Variants in CAMK2D observed in about 807,000 individuals in gnomAD.
CAMK2D encodes the protein calcium/calmodulin dependent protein kinase II delta, also known as calcium/calmodulin-dependent protein kinase type II subunit delta.
In CAMK2D, 37 loss-of-function variants were observed where a neutral mutation model predicts 84.0. The ratio of observed to expected loss-of-function variants is 0.44; its 90% CI spans 0.34 to 0.58. The LOEUF is 0.58. CAMK2D is among the 20% of genes least tolerant of loss of function. The pLI, the probability that CAMK2D is intolerant of heterozygous loss-of-function variation, is 0.02. For synonymous variants in CAMK2D, 202 were observed against 212.5 expected (o/e 0.95, Z 0.43); for missense variants, 448 against 652.5 (o/e 0.69, Z 3.41).
chr4:113,536,342 T>A (rs1306158248), intron 7 of CAMK2D, among the ~76,000 whole-genome samples: 1 of 152,108 alleles, frequency 6.6e-6, no homozygotes, highest in Non-Finnish European at 1.5e-5. Context: ...CACCCTCCAC[T>A]CCCAGTAACA....
At chr4:113,724,751 TATC>T (rs151078880) in intron 2 of CAMK2D, among the ~76,000 whole-genome samples, 2,796 of 152,084 alleles carry the variant, frequency 0.018, 33 homozygotes, top group Non-Finnish European at 0.031. Flanking sequence ...TAATTTCTGT[TATC>T]ATACAGCCTT....
At chr4:113,760,951 G>A in intron 1 of CAMK2D, 53 bp downstream of exon 1, 1 of 1,611,894 alleles carries the variant, frequency 6.2e-7, no homozygotes, top group South Asian at 1.1e-5. Context: ...GGGGCAACGC[G>A]ACCCGCCCTC....
At chr4:113,671,336 G>A (rs773188488) in intron 2 of CAMK2D, among the ~76,000 whole-genome samples, 14 of 152,170 alleles carry the variant, frequency 9.2e-5, no homozygotes, top group Non-Finnish European at 1.6e-4. Flanking sequence ...TCATTTTTCT[G>A]TGACTGAGTT....
chr4:113,658,801 G>A (rs1006377112), intron 3 of CAMK2D, among the ~76,000 whole-genome samples: 6 of 152,192 alleles, frequency 3.9e-5, no homozygotes, highest in African/African-American at 1.4e-4. Flanking sequence ...TATACACTGA[G>A]ATAAAGGATC....
intron 4 of CAMK2D, among the ~76,000 whole-genome samples, chr4:113,564,908 C>G (rs912131070): frequency 6.6e-6 from 1 of 152,022 alleles, no homozygotes; most frequent in African/African-American, 2.4e-5. Context: ...TCAGAAAATA[C>G]AAAATGTAAT....
chr4:113,466,294 TAAA>T (rs1346538113), intron 16 of CAMK2D, among the ~76,000 whole-genome samples: 2 of 146,716 alleles, frequency 1.4e-5, no homozygotes, highest in African/African-American at 5.0e-5. Context: ...AAATATAAAA[TAAA>T]ATAAAATAAA....
chr4:113,459,858 T>A (rs2097351453), intron 18 of CAMK2D, among the ~76,000 whole-genome samples: 1 of 152,042 alleles, frequency 6.6e-6, no homozygotes, highest in Non-Finnish European at 1.5e-5. Context: ...ACTCCTGACC[T>A]CAAGTGATCC....
At chr4:113,467,613 T>C (rs534094399) in intron 16 of CAMK2D, among the ~76,000 whole-genome samples, 6 of 152,296 alleles carry the variant, frequency 3.9e-5, no homozygotes, top group Non-Finnish European at 4.4e-5. Flanking sequence ...ATAACACAGC[T>C]CCTACAGAAG....
intron 2 of CAMK2D, among the ~76,000 whole-genome samples, chr4:113,690,958 C>G (rs2099385389): frequency 6.6e-6 from 1 of 152,086 alleles, no homozygotes; most frequent in Non-Finnish European, 1.5e-5. Context: ...TGCCCTGAGA[C>G]CCAAAATGCT....
chr4:113,509,301 T>C (rs1019017034), intron 13 of CAMK2D, among the ~76,000 whole-genome samples: 1 of 152,220 alleles, frequency 6.6e-6, no homozygotes, highest in Non-Finnish European at 1.5e-5. Flanking sequence ...GGAAAAGCAT[T>C]TGGTTTTTAC....
In CAMK2D at chr4:113,761,631, C is replaced by G. The variant is rs2099641604; in HGVS notation, c.-563G>C. On this transcript the variant is annotated 5_prime_UTR_variant, in exon 1 of 21. Coordinates refer to ENST00000511664, the MANE Select transcript of CAMK2D (RefSeq NM_001321571.2). The stretch of plus-strand genomic sequence containing the variant: ...CTCCGACGAGCGTGCGCGCCCGAGG[C>G]CGGCTTCCCTCCGGCGGGCGGCAGC... The G allele has an allele frequency of 7.1e-6, 7 of 985,186 alleles. No individual in the cohort carries two copies. The highest frequency in any genetic ancestry group is 6.0e-6 in the Non-Finnish European group (5 of 829,866). The allele number at this position is 985,186 out of a possible 1,614,324, so 61.0% of individuals were successfully genotyped here. A position where few individuals can be genotyped will look rare whatever the true frequency, so the allele number is the denominator to read the frequency against.
At chr4:113,728,327 A>G (rs929637749) in intron 2 of CAMK2D, among the ~76,000 whole-genome samples, 1 of 152,210 alleles carries the variant, frequency 6.6e-6, no homozygotes, top group Non-Finnish European at 1.5e-5. Context: ...AAGAAAGAAC[A>G]AACAATAAGT....
chr4:113,749,322 A>G (rs1269764481), intron 2 of CAMK2D, among the ~76,000 whole-genome samples: 2 of 149,002 alleles, frequency 1.3e-5, no homozygotes, highest in East Asian at 4.1e-4. Flanking sequence ...AGAGAACACA[A>G]GTAAGTGCTT....
chr4:113,648,303 A>G (rs2099159355), intron 3 of CAMK2D, among the ~76,000 whole-genome samples: 1 of 152,202 alleles, frequency 6.6e-6, no homozygotes, highest in Non-Finnish European at 1.5e-5. Flanking sequence ...AATCTAAGAA[A>G]ATGGCTGTTG....
chr4:113,466,259 A>AAAAT (rs3062115), intron 16 of CAMK2D, among the ~76,000 whole-genome samples: 72,064 of 145,938 alleles, frequency 0.49, 18,259 homozygotes, highest in South Asian at 0.55. Context: ...CTCCGTCTCA[A>AAAAT]AAATAAATAA....
chr4:113,499,356 T>C (rs889465963), intron 16 of CAMK2D, among the ~76,000 whole-genome samples: 7 of 152,140 alleles, frequency 4.6e-5, no homozygotes, highest in African/African-American at 1.7e-4. Flanking sequence ...CTTAGTTATA[T>C]AAATAGAGAG....
chr4:113,513,222 T>TGAA, intron 12 of CAMK2D, 106 bp downstream of exon 12: 9 of 1,565,354 alleles, frequency 5.7e-6, no homozygotes, highest in South Asian at 1.2e-5. Context: ...CCCTGAACAA[T>TGAA]GAAGTTTTTC....
intron 17 of CAMK2D, among the ~76,000 whole-genome samples, chr4:113,464,903 G>A (rs984326566): frequency 2.0e-5 from 3 of 152,160 alleles, no homozygotes; most frequent in Non-Finnish European, 2.9e-5. Context: ...CACATGAATT[G>A]CTCTGCCTGG....
intron 6 of CAMK2D, among the ~76,000 whole-genome samples, chr4:113,544,764 A>G (rs2098555027): frequency 6.6e-6 from 1 of 152,050 alleles, no homozygotes; most frequent in Admixed American, 6.5e-5. Context: ...GATCCTCCTA[A>G]TATTATCTAG....
Sources: gnomAD v4.1 joint callset for allele counts (sites outside exome capture counted in the v4.1 genomes callset) on GRCh38, gnomAD v4.1.1 for gene constraint, MANE v1.5 for transcripts, NCBI Gene and HGNC (gene_info 2026-07-23, HGNC 2026-07-21) for gene names.